GRIN3A: variants seen among roughly 807,000 people sequenced by gnomAD.
GRIN3A encodes the protein glutamate receptor ionotropic, NMDA 3A.
GRIN3A carries 47 observed loss-of-function variants against 92.4 expected under a neutral mutation model. That is an observed-to-expected ratio of 0.51 (90% CI 0.40 to 0.65). GRIN3A has a LOEUF of 0.65. Ranked by LOEUF, GRIN3A falls within the 30% of genes least tolerant of loss-of-function variation. The pLI is 0.00. For synonymous variants in GRIN3A, 527 were observed against 540.6 expected, an observed-to-expected ratio of 0.97 and a Z score of 0.35; for missense variants, 1,324 against 1,393.1, an observed-to-expected ratio of 0.95 and a Z score of 0.79.
chr9:101,594,938 C>T, intron 6 of GRIN3A: 1 of 1,593,278 alleles, frequency 6.3e-7, no homozygotes. Flanking sequence ...CATCTGGCAA[C>T]GGCCACGGCT....
intron 3 of GRIN3A, among the ~76,000 whole-genome samples, chr9:101,653,884 C>T (rs1437119699): frequency 6.6e-6 from 1 of 151,668 alleles, no homozygotes; most frequent in Non-Finnish European, 1.5e-5. Flanking sequence ...AAGTGTAATA[C>T]AAATGAAAAT....
At chr9:101,719,121 G>A (rs1323696652) in intron 1 of GRIN3A, among the ~76,000 whole-genome samples, 1 of 152,112 alleles carries the variant, frequency 6.6e-6, no homozygotes. Flanking sequence ...GCTGGGACAA[G>A]AGAATAGAAG....
intron 1 of GRIN3A, among the ~76,000 whole-genome samples, chr9:101,700,112 C>A (rs1588289061): frequency 6.6e-6 from 1 of 152,158 alleles, no homozygotes; most frequent in Admixed American, 6.5e-5. Context: ...GTCTACTCAT[C>A]TCTCTCCTTC....
At chr9:101,620,712 A>G (rs1828538674) in intron 5 of GRIN3A, among the ~76,000 whole-genome samples, 1 of 152,102 alleles carries the variant, frequency 6.6e-6, no homozygotes, top group Non-Finnish European at 1.5e-5. Flanking sequence ...GTGAAAGGTT[A>G]TGGGTAGGCA....
intron 1 of GRIN3A, among the ~76,000 whole-genome samples, chr9:101,734,300 T>G (rs1830174486): frequency 6.6e-6 from 1 of 152,190 alleles, no homozygotes; most frequent in African/African-American, 2.4e-5. Context: ...GTTATAAGAA[T>G]AGAATTTAGA....
At chr9:101,694,765 A>G (rs1441884147) in intron 1 of GRIN3A, among the ~76,000 whole-genome samples, 1 of 152,196 alleles carries the variant, frequency 6.6e-6, no homozygotes, top group Admixed American at 6.5e-5. Context: ...ATTTAGTCAT[A>G]TGGTGACTTA....
chr9:101,580,425 T>C (rs1205024968), intron 6 of GRIN3A, among the ~76,000 whole-genome samples: 1 of 152,114 alleles, frequency 6.6e-6, no homozygotes, highest in African/African-American at 2.4e-5. Flanking sequence ...TCTTAGAGAT[T>C]GAGAGAGATA....
chr9:101,702,455 C>T (rs1008327575), intron 1 of GRIN3A, among the ~76,000 whole-genome samples: 1 of 152,166 alleles, frequency 6.6e-6, no homozygotes, highest in Non-Finnish European at 1.5e-5. Flanking sequence ...CCTCTACATA[C>T]CTTTCAGCAC....
chr9:101,590,675 CG>C (rs1378838019), intron 6 of GRIN3A, among the ~76,000 whole-genome samples: 1 of 152,060 alleles, frequency 6.6e-6, no homozygotes, highest in Non-Finnish European at 1.5e-5. Context: ...CCACCGCGCC[CG>C]GCCAACACTC....
chr9:101,635,556 T>A (rs1460776051), intron 3 of GRIN3A, among the ~76,000 whole-genome samples: 1 of 152,236 alleles, frequency 6.6e-6, no homozygotes, highest in Non-Finnish European at 1.5e-5. Flanking sequence ...GAAAGAGTCA[T>A]CTTTGCAGGT....
chr9:101,699,556 C>T (rs1829729321), intron 1 of GRIN3A, among the ~76,000 whole-genome samples: 1 of 152,028 alleles, frequency 6.6e-6, no homozygotes, highest in Non-Finnish European at 1.5e-5. Flanking sequence ...GCTAACCAGC[C>T]CTTATATCAT....
At chr9:101,579,858 T>C (rs1827867643) in intron 6 of GRIN3A, among the ~76,000 whole-genome samples, 4 of 152,160 alleles carry the variant, frequency 2.6e-5, no homozygotes, top group Admixed American at 2.6e-4. Flanking sequence ...CCCTCCCTCT[T>C]TGCAGTTTCA....
chr9:101,664,622 GA>G lies in GRIN3A; in HGVS notation c.2352+5437del, dbSNP rs1466269030. On this transcript the variant is annotated intron_variant, in intron 3 of 8. Transcript: ENST00000361820. ...TTTTTTTCTTCTGACCCCCTATCAG[GA>G]AAAAAAATTTCAACCTCCTGTGGCT... 8.6e-5 allele frequency among the ~76,000 whole-genome samples: 13 copies of G among 151,794 alleles called. No homozygotes were observed. The South Asian group carries it at 1.7e-3, about 19-fold the overall frequency.
At chr9:101,731,408 G>A (rs1376694294) in intron 1 of GRIN3A, among the ~76,000 whole-genome samples, 1 of 152,118 alleles carries the variant, frequency 6.6e-6, no homozygotes, top group Non-Finnish European at 1.5e-5. Flanking sequence ...TTGTGAAAAA[G>A]CCTTGAAAAA....
chr9:101,736,063 C>T (rs549390612), intron 1 of GRIN3A, among the ~76,000 whole-genome samples: 1 of 152,162 alleles, frequency 6.6e-6, no homozygotes, highest in East Asian at 1.9e-4. Flanking sequence ...ATTGCCCTTA[C>T]TCATTTTAGT....
At chr9:101,582,550 G>GTGATGA (rs1827901559) in intron 6 of GRIN3A, among the ~76,000 whole-genome samples, 1 of 152,216 alleles carries the variant, frequency 6.6e-6, no homozygotes, top group African/African-American at 2.4e-5. Context: ...ATCTCTGTGT[G>GTGATGA]CAAATGGTGA....
chr9:101,623,657 T>A lies in GRIN3A; in HGVS notation c.2499-224A>T, dbSNP rs186691520. ...ACAGCATGACATCTTTCCAATGAGTTTATCTACCAGCTCCTTTAATTACTT... is the reference window on the plus strand; with the variant it reads ...ACAGCATGACATCTTTCCAATGAGTATATCTACCAGCTCCTTTAATTACTT... On this transcript the variant is annotated intron_variant, in intron 4 of 8. Transcript: ENST00000361820. Among the ~76,000 whole-genome samples, 3 of 152,324 alleles carry A rather than the reference T, an allele frequency of 2.0e-5. No homozygotes were observed. The East Asian group carries it at 5.8e-4, about 29-fold the overall frequency.
intron 1 of GRIN3A, among the ~76,000 whole-genome samples, chr9:101,736,702 G>A (rs1830210196): frequency 6.6e-6 from 1 of 151,984 alleles, no homozygotes; most frequent in African/African-American, 2.4e-5. Context: ...TCTACCTATG[G>A]CTTCTGTACT....
At chr9:101,680,686 G>A (rs908737259) in intron 2 of GRIN3A, among the ~76,000 whole-genome samples, 2 of 152,174 alleles carry the variant, frequency 1.3e-5, no homozygotes, top group African/African-American at 4.8e-5. Flanking sequence ...GTCTTCTCCT[G>A]GTGGAAGAAC....
Sources: gnomAD v4.1 joint callset for allele counts (sites outside exome capture counted in the v4.1 genomes callset) on GRCh38, gnomAD v4.1.1 for gene constraint, MANE v1.5 for transcripts, NCBI Gene and HGNC (gene_info 2026-07-23, HGNC 2026-07-21) for gene names.